Variants in SMARCA2 observed in about 807,000 individuals in gnomAD.
The protein encoded by SMARCA2 is SWI/SNF related BAF chromatin remodeling complex subunit ATPase 2, also known as SWI/SNF-related matrix-associated actin-dependent regulator of chromatin subfamily A member 2.
SMARCA2 carries 61 observed loss-of-function variants against 199.8 expected under a neutral mutation model. The ratio of observed to expected loss-of-function variants is 0.31; its 90% CI spans 0.25 to 0.38. The LOEUF (loss-of-function observed/expected upper bound fraction) is 0.38, where lower values mean the gene tolerates loss of function less well. Ranked by LOEUF, SMARCA2 falls within the 10% of genes least tolerant of loss-of-function variation. SMARCA2 has a pLI of 1.00. For missense variants in SMARCA2, 1,344 were observed against 2,012.2 expected (o/e 0.67, Z 6.35); for synonymous variants, 935 against 732.0 (o/e 1.28, Z -4.48).
intron 15 of SMARCA2, among the ~76,000 whole-genome samples, chr9:2,082,348 T>A (rs1025717492): frequency 6.8e-6 from 1 of 147,560 alleles, no homozygotes; most frequent in Non-Finnish European, 1.5e-5. Flanking sequence ...TGTGTGTGTG[T>A]GTGATTTCTT....
rs190411065 is a variant in SMARCA2 at position 2,083,580 on chromosome 9, A to G, written c.2415+167A>G. Among the ~76,000 whole-genome samples the G allele has an allele frequency of 7.2e-5, 11 of 152,344 alleles. No homozygotes were observed. The East Asian group carries it at 1.9e-3, about 27-fold the overall frequency. Reference sequence around the variant, plus strand: ...CATCCCAAGAAGATTACTGTAATAAACCATAATTACTTTCAGATAGTGAAA... The same window carrying G: ...CATCCCAAGAAGATTACTGTAATAAGCCATAATTACTTTCAGATAGTGAAA... On this transcript the variant is annotated intron_variant, in intron 16 of 33. Coordinates refer to ENST00000349721, the MANE Select transcript of SMARCA2 (RefSeq NM_003070.5).
At chr9:2,186,982 G>T (rs1469101071) in intron 32 of SMARCA2, among the ~76,000 whole-genome samples, 1 of 152,240 alleles carries the variant, frequency 6.6e-6, no homozygotes, top group African/African-American at 2.4e-5. Context: ...GTAGCCTGTT[G>T]TGGGGCCTGA....
In SMARCA2 at chr9:2,149,165, A is replaced by G. The variant is rs187583301; in HGVS notation, c.3982-12521A>G. ...GCTGGGGAGGCCTCAGAATCATGGC[A>G]GGAGGCAAAAGGCACTTCTTACATG... On this transcript the variant is annotated intron_variant, in intron 27 of 33. Coordinates refer to ENST00000349721, the MANE Select transcript of SMARCA2 (RefSeq NM_003070.5). 4.6e-4 allele frequency among the ~76,000 whole-genome samples: 69 copies of G among 151,460 alleles called. 3 individuals carry two copies. Among genetic ancestry groups the G allele is most frequent in the Admixed American group, 1.3e-3 (20 of 15,202 alleles).
At chr9:2,178,730 T>G (rs1826799949) in intron 29 of SMARCA2, among the ~76,000 whole-genome samples, 1 of 152,188 alleles carries the variant, frequency 6.6e-6, no homozygotes, top group Admixed American at 6.5e-5. Flanking sequence ...GTTTAATTTT[T>G]TTTTAACCTG....
intron 27 of SMARCA2, among the ~76,000 whole-genome samples, chr9:2,151,029 T>A (rs1326457019): frequency 6.6e-6 from 1 of 151,618 alleles, no homozygotes; most frequent in Non-Finnish European, 1.5e-5. Flanking sequence ...TTTAGAGGGA[T>A]GCAGTTCAGC....
At chr9:2,151,938 A>G (rs1418743721) in intron 27 of SMARCA2, among the ~76,000 whole-genome samples, 8 of 152,130 alleles carry the variant, frequency 5.3e-5, no homozygotes, top group African/African-American at 1.9e-4. Flanking sequence ...TTTGACTAGT[A>G]TTCAGGCCAA....
intron 18 of SMARCA2, 121 bp downstream of exon 18, chr9:2,087,192 A>T: frequency 8.2e-7 from 1 of 1,213,646 alleles, no homozygotes; most frequent in Non-Finnish European, 1.2e-6. Context: ...TGTTTATTTT[A>T]TGAAACCCAT....
chr9:2,082,482 A>C (rs1821610173), intron 15 of SMARCA2, among the ~76,000 whole-genome samples: 1 of 152,122 alleles, frequency 6.6e-6, no homozygotes, highest in East Asian at 1.9e-4. Context: ...ATGTGCACTG[A>C]GGTTATGTTT....
Position 2,056,603 on chromosome 9 carries a change from C to G in SMARCA2, c.1174-69C>G. 1.4e-6 allele frequency: 2 copies of G among 1,435,462 alleles called. No individual in the cohort carries two copies. Among genetic ancestry groups the G allele is most frequent in the African/African-American group, 1.4e-5 (1 of 70,018 alleles). The allele number at this position is 1,435,462 out of a possible 1,614,324, so 88.9% of individuals were successfully genotyped here. On this transcript the variant is annotated intron_variant, in intron 6 of 33. Transcript: ENST00000349721. This position sits in a 1 kb window ranked among gnomAD's most constrained non-coding sequence, Gnocchi z 4.0. Reference sequence around the variant, plus strand: ...CACTCTATTCCATTAAATGCAACCGCGAGAAGGCCAGAGTTCAGGAACCTA... The same window carrying G: ...CACTCTATTCCATTAAATGCAACCGGGAGAAGGCCAGAGTTCAGGAACCTA...
intron 27 of SMARCA2, among the ~76,000 whole-genome samples, chr9:2,133,585 T>C (rs1182841120): frequency 6.6e-6 from 1 of 151,894 alleles, no homozygotes; most frequent in Non-Finnish European, 1.5e-5. Context: ...GCCTGGCCAG[T>C]TTTTGTTTTG....
intron 27 of SMARCA2, among the ~76,000 whole-genome samples, chr9:2,128,977 T>C (rs1823817284): frequency 6.6e-6 from 1 of 152,210 alleles, no homozygotes; most frequent in Non-Finnish European, 1.5e-5. Context: ...AGCCACACTT[T>C]GGGGGTCCCG....
chr9:2,052,366 T>C lies in SMARCA2; in HGVS notation c.1047-2231T>C, dbSNP rs143946057. 3.9e-5 allele frequency among the ~76,000 whole-genome samples: 6 copies of C among 152,178 alleles called. No individual in the cohort carries two copies. The East Asian group carries it at 1.2e-3, about 29-fold the overall frequency. ...GCACGTGCCTATAGCCCCAGCTACATGGGAGGCTGAGAGGCAGGAGAATCG... is the reference window on the plus strand; with the variant it reads ...GCACGTGCCTATAGCCCCAGCTACACGGGAGGCTGAGAGGCAGGAGAATCG... On this transcript the variant is annotated intron_variant, in intron 5 of 33. Coordinates refer to ENST00000349721, the MANE Select transcript of SMARCA2 (RefSeq NM_003070.5).
chr9:2,101,730 C>T, intron 22 of SMARCA2, 114 bp downstream of exon 22: 1 of 544,310 alleles, frequency 1.8e-6, no homozygotes. Flanking sequence ...CCTCTAAGGG[C>T]TCTTCAGTGG....
intron 27 of SMARCA2, among the ~76,000 whole-genome samples, chr9:2,144,480 T>G (rs1380962327): frequency 1.3e-5 from 2 of 152,158 alleles, no homozygotes; most frequent in Non-Finnish European, 2.9e-5. Context: ...TATCACTTTC[T>G]GAGTCCCGAC....
At position 2,081,916 on chromosome 9, in the gene SMARCA2, A is replaced by G; in HGVS notation, c.2269A>G (p.Ile757Val). 2 of 1,613,954 alleles carry G rather than the reference A, an allele frequency of 1.2e-6. No individual in the cohort carries two copies. Among genetic ancestry groups the G allele is most frequent in the Non-Finnish European group, 8.5e-7 (1 of 1,179,818 alleles). Residue 757 changes from isoleucine (I) to valine (V), a missense_variant, in exon 15 of 34, where the codon ATA (isoleucine) becomes GTA (valine). This residue lies in a region of SMARCA2 where 50 missense variants were observed against 81.6 expected (regional missense o/e 0.61). Transcript: ENST00000349721. ...LADEMGLGKT[I>V]QTIALITYLM... ...CGATGAAATGGGGCTTGGAAAGACC[A>G]TACAGACCATTGCACTCATCACTTA...
chr9:2,088,394 T>G, intron 18 of SMARCA2, 106 bp from the exon 19 acceptor site: 1 of 1,325,566 alleles, frequency 7.5e-7, no homozygotes, highest in Non-Finnish European at 1.0e-6. Flanking sequence ...TTAATGCATG[T>G]AAAATGTCAA....
chr9:2,043,076 C>G (rs1819681666), intron 4 of SMARCA2: 1 of 151,936 alleles, frequency 6.6e-6, no homozygotes, highest in Admixed American at 6.6e-5. Flanking sequence ...TATTGTTTAT[C>G]TCCTTTTTAT....
chr9:2,132,003 T>C (rs1041047935), intron 27 of SMARCA2, among the ~76,000 whole-genome samples: 3 of 150,312 alleles, frequency 2.0e-5, no homozygotes, highest in African/African-American at 7.3e-5. Context: ...TAAGGTAAAA[T>C]GTGATACATC....
chr9:2,052,408 G>A (rs970640370), intron 5 of SMARCA2, among the ~76,000 whole-genome samples: 6 of 152,324 alleles, frequency 3.9e-5, no homozygotes, highest in Non-Finnish European at 5.9e-5. Context: ...CCTGGGAGGC[G>A]GAGGTTGCAG....
Sources: allele counts gnomAD v4.1 joint callset (sites outside exome capture counted in the v4.1 genomes callset), GRCh38; gene constraint gnomAD v4.1.1; regional missense constraint gnomAD v4.1.1; non-coding constraint Gnocchi (gnomAD v3.1); transcripts MANE v1.5; gene names NCBI Gene and HGNC (gene_info 2026-07-23, HGNC 2026-07-21).